RAB9A: variants seen among roughly 807,000 people sequenced by gnomAD.
RAB9A encodes the protein RAB9A, member RAS oncogene family, also known as ras-related protein Rab-9A.
In RAB9A, 1 loss-of-function variant was observed where a neutral mutation model predicts 10.3. That is an observed-to-expected ratio of 0.10 (90% CI 0.03 to 0.46). The LOEUF (loss-of-function observed/expected upper bound fraction) is 0.46, where lower values mean the gene tolerates loss of function less well. RAB9A is among the 20% of genes least tolerant of loss of function. The pLI, the probability that RAB9A is intolerant of heterozygous loss-of-function variation, is 0.96. For synonymous variants in RAB9A, 39 were observed against 55.2 expected, an observed-to-expected ratio of 0.71 and a Z score of 1.30; for missense variants, 92 against 150.3, an observed-to-expected ratio of 0.61 and a Z score of 2.03.
chrX:13,704,292 C>G (rs2046187629), intron 2 of RAB9A, among the ~76,000 whole-genome samples: 1 of 111,716 alleles, frequency 9.0e-6, no homozygotes, highest in South Asian at 3.7e-4. Context: ...GAATATAAAA[C>G]TTAGAAAAGA....
At chrX:13,705,400 T>C (rs1319841767) in intron 2 of RAB9A, among the ~76,000 whole-genome samples, 3 of 111,954 alleles carry the variant, frequency 2.7e-5, no homozygotes, top group African/African-American at 9.7e-5. Flanking sequence ...ATACTCTGTT[T>C]CCTGGTGGGC....
At chrX:13,691,688 G>C (rs1009791715) in intron 1 of RAB9A, among the ~76,000 whole-genome samples, 1 of 42,986 alleles carries the variant, frequency 2.3e-5, no homozygotes, top group African/African-American at 8.7e-5. Flanking sequence ...AAAAAAAAAA[G>C]ACCAAATAAT....
At chrX:13,694,802 C>T in intron 1 of RAB9A, among the ~76,000 whole-genome samples, 1 of 111,663 alleles carries the variant, frequency 9.0e-6, no homozygotes, top group Non-Finnish European at 1.9e-5. Flanking sequence ...ATTCTCCATC[C>T]CCCCTTCCAG....
chrX:13,693,950 G>A (rs2046136835), intron 1 of RAB9A, among the ~76,000 whole-genome samples: 1 of 111,527 alleles, frequency 9.0e-6, no homozygotes, highest in Non-Finnish European at 1.9e-5. Context: ...GTTTGACAGG[G>A]GATGGAGAAA....
Position 13,709,524 on chromosome X carries a change from A to G in RAB9A, c.*172A>G, listed in dbSNP as rs2046212690. 2 of 427,067 alleles carry G rather than the reference A, an allele frequency of 4.7e-6. No individual in the cohort carries two copies. Among genetic ancestry groups the G allele is most frequent in the East Asian group, 8.5e-5 (2 of 23,631 alleles). 35.2% of individuals were successfully genotyped at this position (427,067 alleles called of 1,213,427 possible). On this transcript the variant is annotated 3_prime_UTR_variant, in exon 3 of 3. Transcript: ENST00000464506. ...GGGACACATCCACTCTTGGAGGAAT[A>G]TATTTACTCAATAATGGCACCTTAC...
intron 1 of RAB9A, among the ~76,000 whole-genome samples, chrX:13,691,794 G>C (rs1270367237): frequency 9.2e-6 from 1 of 108,366 alleles, no homozygotes; most frequent in Non-Finnish European, 1.9e-5. Flanking sequence ...AGAAAGTTTA[G>C]TTTCTGCATT....
intron 2 of RAB9A, among the ~76,000 whole-genome samples, chrX:13,707,762 T>C (rs2089176406): frequency 8.9e-6 from 1 of 112,668 alleles, no homozygotes; most frequent in African/African-American, 3.2e-5. Flanking sequence ...TGTGCTAGAT[T>C]ATATTAAAAA....
intron 2 of RAB9A, among the ~76,000 whole-genome samples, chrX:13,704,919 C>G (rs771085297): frequency 9.0e-6 from 1 of 111,597 alleles, no homozygotes; most frequent in Admixed American, 9.5e-5. Context: ...TGTGCCTGGC[C>G]CCTTATTCAG....
chrX:13,704,859 A>C (rs1051786539), intron 2 of RAB9A, among the ~76,000 whole-genome samples: 1 of 111,500 alleles, frequency 9.0e-6, no homozygotes, highest in African/African-American at 3.3e-5. Flanking sequence ...ACCTCAAGTG[A>C]TCTGTCCGCC....
rs571369454 is a variant in RAB9A at position 13,689,247 on chromosome X, G to T, written c.-157G>T. The T allele has an allele frequency of 8.8e-6, 1 of 113,258 alleles. No homozygotes were observed. Among genetic ancestry groups the T allele is most frequent in the African/African-American group, 3.2e-5 (1 of 31,244 alleles). 9.3% of individuals were successfully genotyped at this position (113,258 alleles called of 1,213,427 possible). A position where few individuals can be genotyped will look rare whatever the true frequency, so the allele number is the denominator to read the frequency against. ...CTCTGTCCTCATTGCGCCCAGACGGGCCGGCCCAGAGCTCCCGGGTCGTCT... is the reference window on the plus strand; with the variant it reads ...CTCTGTCCTCATTGCGCCCAGACGGTCCGGCCCAGAGCTCCCGGGTCGTCT... On this transcript the variant is annotated 5_prime_UTR_variant, in exon 1 of 3. Transcript: ENST00000464506.
intron 1 of RAB9A, among the ~76,000 whole-genome samples, chrX:13,696,880 G>A (rs746287580): frequency 8.9e-6 from 1 of 111,732 alleles, no homozygotes; most frequent in Admixed American, 9.4e-5. Context: ...AGACCTGGGG[G>A]GATCATTGAC....
chrX:13,705,409 G>A (rs983323643), intron 2 of RAB9A, among the ~76,000 whole-genome samples: 1 of 111,749 alleles, frequency 8.9e-6, no homozygotes, highest in Non-Finnish European at 1.9e-5. Flanking sequence ...TTCCTGGTGG[G>A]CTGGCATACC....
At chrX:13,691,615 A>C (rs1378318338) in intron 1 of RAB9A, among the ~76,000 whole-genome samples, 2 of 88,644 alleles carry the variant, frequency 2.3e-5, no homozygotes, top group Non-Finnish European at 4.2e-5. Context: ...AGCCGAGATC[A>C]CGCCATTGCG....
intron 1 of RAB9A, among the ~76,000 whole-genome samples, chrX:13,694,757 G>A (rs1460544463): frequency 4.5e-5 from 5 of 111,924 alleles, no homozygotes; most frequent in African/African-American, 9.7e-5. Flanking sequence ...ACAAGGTATA[G>A]TGGTGAGGAG....
intron 1 of RAB9A, among the ~76,000 whole-genome samples, chrX:13,698,964 C>CA (rs5901513): frequency 0.3 from 27,995 of 93,388 alleles, 3,355 homozygotes; most frequent in Non-Finnish European, 0.35. Flanking sequence ...TGAATTTGAC[C>CA]AAAAAAAAAA....
At chrX:13,693,501 C>G (rs758285567) in intron 1 of RAB9A, among the ~76,000 whole-genome samples, 1 of 111,657 alleles carries the variant, frequency 9.0e-6, no homozygotes, top group African/African-American at 3.3e-5. Context: ...GGTCCCAGGC[C>G]GTGTTGCCAG....
At chrX:13,703,014 G>C (rs1037445213) in intron 1 of RAB9A, among the ~76,000 whole-genome samples, 1 of 112,678 alleles carries the variant, frequency 8.9e-6, no homozygotes, top group Non-Finnish European at 1.9e-5. Flanking sequence ...ATAAAGCATA[G>C]ACACTCACAT....
chrX:13,700,857 A>G (rs1196204650), intron 1 of RAB9A, among the ~76,000 whole-genome samples: 1 of 110,586 alleles, frequency 9.0e-6, no homozygotes, highest in Non-Finnish European at 1.9e-5. Flanking sequence ...TGCAGCCTTG[A>G]CCTCCCCAGG....
rs187203085 is a variant in RAB9A at position 13,702,456 on chromosome X, C to G, written c.-115-1358C>G. On this transcript the variant is annotated intron_variant, in intron 1 of 2. Coordinates refer to ENST00000464506, the MANE Select transcript of RAB9A (RefSeq NM_004251.5). ...AAACCGATGTACAGTCTCTCATTAA[C>G]ACAGTGTAACACAGCCTAGTTTACC... Among the ~76,000 whole-genome samples, 260 of 112,195 alleles carry G rather than the reference C, an allele frequency of 2.3e-3. 1 individual carries two copies. Among genetic ancestry groups the G allele is most frequent in the African/African-American group, 7.6e-3 (234 of 30,893 alleles).
Sources: allele counts gnomAD v4.1 joint callset (sites outside exome capture counted in the v4.1 genomes callset), GRCh38; gene constraint gnomAD v4.1.1; transcripts MANE v1.5; gene names NCBI Gene and HGNC (gene_info 2026-07-23, HGNC 2026-07-21).